The following TNFRSF21 variants were observed in gnomAD, a reference collection of about 807,000 sequenced individuals.
TNFRSF21 encodes TNF receptor superfamily member 21.
A neutral mutation model predicts 45.6 loss-of-function variants in TNFRSF21; 19 were observed. The ratio of observed to expected loss-of-function variants is 0.42; its 90% CI spans 0.29 to 0.61. The LOEUF is 0.61. Among genes scored for constraint, TNFRSF21 ranks in the 20% least tolerant of loss-of-function variants. The pLI, the probability that TNFRSF21 is intolerant of heterozygous loss-of-function variation, is 0.23. For missense variants in TNFRSF21, 737 were observed against 851.5 expected, an observed-to-expected ratio of 0.87 and a Z score of 1.67; for synonymous variants, 314 against 335.5, an observed-to-expected ratio of 0.94 and a Z score of 0.70.
intron 2 of TNFRSF21, among the ~76,000 whole-genome samples, chr6:47,285,579 C>A (rs955153955): frequency 6.6e-6 from 1 of 152,152 alleles, no homozygotes; most frequent in African/African-American, 2.4e-5. Flanking sequence ...AACTTTTGAT[C>A]TGGAAGGAAC....
chr6:47,282,759 C>T (rs537212591), intron 3 of TNFRSF21, among the ~76,000 whole-genome samples: 15 of 152,130 alleles, frequency 9.9e-5, no homozygotes, highest in African/African-American at 3.4e-4. Flanking sequence ...TTGTTTTTTT[C>T]CTTTAACCTA....
intron 1 of TNFRSF21, among the ~76,000 whole-genome samples, chr6:47,307,327 T>C (rs904865613): frequency 4.6e-5 from 7 of 152,228 alleles, no homozygotes; most frequent in African/African-American, 1.7e-4. Flanking sequence ...GTCAGGTCTT[T>C]AGTTGCAAAT....
At chr6:47,299,859 G>A (rs984176653) in intron 1 of TNFRSF21, among the ~76,000 whole-genome samples, 1 of 152,160 alleles carries the variant, frequency 6.6e-6, no homozygotes, top group Admixed American at 6.5e-5. Flanking sequence ...AGTTCTTCTG[G>A]ACTACAGTCT....
At position 47,284,088 on chromosome 6, in the gene TNFRSF21, T is replaced by C. The variant is rs1378695362; in HGVS notation, c.1093A>G (p.Ile365Val). 6.2e-7 allele frequency: 1 copy of C among 1,614,080 alleles called. No homozygotes were observed. The highest frequency in any genetic ancestry group is 8.5e-7 in the Non-Finnish European group (1 of 1,180,004). ...CTTTTCCGGATACTGCACACCACAA[T>C]CACCACAAGCACCAGCAGCAGGAAA... is the stretch of plus-strand genomic sequence containing the variant. The part of the protein sequence containing the change: ...VLFLLLVLVV[I>V]VVCSIRKSSR... The change falls in exon 3 of 6, where the codon ATT becomes GTT. Residue 365 changes from isoleucine (I) to valine (V), a missense_variant. By Grantham distance (29) the Ile-to-Val change is conservative (BLOSUM62 3). Transcript: ENST00000296861.
At chr6:47,272,930 C>T (rs1762446440) in intron 3 of TNFRSF21, among the ~76,000 whole-genome samples, 1 of 152,260 alleles carries the variant, frequency 6.6e-6, no homozygotes, top group East Asian at 1.9e-4. Context: ...TGGATAGATT[C>T]CTGGACACAT....
intron 1 of TNFRSF21, among the ~76,000 whole-genome samples, chr6:47,297,764 C>G (rs1762811595): frequency 6.6e-6 from 1 of 152,258 alleles, no homozygotes; most frequent in East Asian, 1.9e-4. Context: ...CTCAAGTGAT[C>G]CGCCTGCCTC....
At chr6:47,263,231 G>A (rs1177364795) in intron 3 of TNFRSF21, among the ~76,000 whole-genome samples, 1 of 152,182 alleles carries the variant, frequency 6.6e-6, no homozygotes, top group African/African-American at 2.4e-5. Context: ...ACCACTTTCT[G>A]TGATGGGCAA....
rs760303130 is a variant in TNFRSF21, at chr6:47,253,397, G to A, written c.1368C>T (p.His456=). The change falls in exon 4 of 6, where the codon CAC becomes CAT. Residue 456 remains histidine (H), a synonymous_variant. Coordinates refer to ENST00000296861, the MANE Select transcript of TNFRSF21 (RefSeq NM_014452.5). ...AAFSNGYTAD[H]ERAYAALQHW... is the part of the protein sequence containing the mutation. ...GCTGCAGAGCTGCGTAGGCCCGCTCGTGGTCGGCTGTGTACCCATTGGAGA... is the reference window on the plus strand; with the variant it reads ...GCTGCAGAGCTGCGTAGGCCCGCTCATGGTCGGCTGTGTACCCATTGGAGA... The A allele has an allele frequency of 1.3e-5, 21 of 1,614,048 alleles. No individual in the cohort carries two copies. Among genetic ancestry groups the A allele is most frequent in the African/African-American group, 5.3e-5 (4 of 74,930 alleles).
chr6:47,286,724 C>A, intron 1 of TNFRSF21, 129 bp from the exon 2 acceptor site: 1 of 992,258 alleles, frequency 1.0e-6, no homozygotes, highest in Non-Finnish European at 1.4e-6. Flanking sequence ...ACCAGGACTG[C>A]ATCCTCTTGA....
At position 47,232,894 on chromosome 6, in the gene TNFRSF21, C is replaced by T. The variant is rs1360750638; in HGVS notation, c.1839G>A (p.Arg613=). Residue 613 remains arginine, a synonymous_variant, in exon 6 of 6, where the codon CGG becomes CGA. Coordinates refer to ENST00000296861, the MANE Select transcript of TNFRSF21 (RefSeq NM_014452.5). ...CAGCCTGGGGAATCTCTTCAATCAC[C>T]CGCAGCTCCTCAGGATTTAGAAAGT... The part of the protein sequence containing the change: ...MLHFLNPEEL[R]VIEEIPQAED... The T allele has an allele frequency of 1.2e-6, 2 of 1,614,098 alleles. No homozygotes were observed. The highest frequency in any genetic ancestry group is 1.1e-5 in the South Asian group (1 of 91,078).
rs201068310 is a variant in TNFRSF21, at chr6:47,284,091, C to G, written c.1090G>C (p.Val364Leu). The G allele has an allele frequency of 4.3e-6, 7 of 1,614,210 alleles. No individual in the cohort carries two copies. The highest frequency in any genetic ancestry group is 5.9e-6 in the Non-Finnish European group (7 of 1,180,042). Residue 364 changes from valine to leucine, a missense_variant, in exon 3 of 6, where the codon GTG (valine) becomes CTG (leucine). Transcript: ENST00000296861. ...TTCCGGATACTGCACACCACAATCA[C>G]CACAAGCACCAGCAGCAGGAAAAGC... ...IVLFLLLVLVVIVVCSIRKSS... is the reference protein window; with the variant it reads ...IVLFLLLVLVLIVVCSIRKSS...
chr6:47,267,755 T>A (rs1286393543), intron 3 of TNFRSF21, among the ~76,000 whole-genome samples: 2 of 152,164 alleles, frequency 1.3e-5, no homozygotes, highest in Non-Finnish European at 2.9e-5. Context: ...GACACAGGCC[T>A]GGCACCATGG....
rs147219159 is a variant in TNFRSF21, at chr6:47,232,798, G to T, written c.1935C>A (p.Asp645Glu). 1 of 1,614,138 alleles carries T rather than the reference G, an allele frequency of 6.2e-7. No homozygotes were observed. The highest frequency in any genetic ancestry group is 1.7e-5 in the Admixed American group (1 of 60,022). The change falls in exon 6 of 6, where the codon GAC becomes GAA. Residue 645 changes from aspartate (D) to glutamate (E), a missense_variant. Transcript: ENST00000296861. Reference protein sequence around the residue: ...KSQEASQTLLDSVYSHLPDLL With the variant: ...KSQEASQTLLESVYSHLPDLL ...GGTCAGGAAGATGGCTATAAACAGAGTCCAGGAGGGTCTGGCTGGCTTCCT... is the reference window on the plus strand; with the variant it reads ...GGTCAGGAAGATGGCTATAAACAGATTCCAGGAGGGTCTGGCTGGCTTCCT...
intron 1 of TNFRSF21, among the ~76,000 whole-genome samples, chr6:47,299,387 AG>A (rs1197234170): frequency 6.6e-6 from 1 of 152,060 alleles, no homozygotes; most frequent in African/African-American, 2.4e-5. Context: ...CCAGCTACTC[AG>A]GAGGCTGAGG....
intron 3 of TNFRSF21, among the ~76,000 whole-genome samples, chr6:47,263,832 G>T (rs1762285547): frequency 6.6e-6 from 1 of 152,158 alleles, no homozygotes; most frequent in African/African-American, 2.4e-5. Flanking sequence ...CTACTTAGTG[G>T]TATATAAAAG....
intron 4 of TNFRSF21, among the ~76,000 whole-genome samples, chr6:47,245,743 TAGTC>T (rs760172047): frequency 1.3e-5 from 2 of 152,336 alleles, no homozygotes; most frequent in Middle Eastern, 3.4e-3. Flanking sequence ...ATATCTGTAT[TAGTC>T]AGTTTTCATA....
intron 5 of TNFRSF21, among the ~76,000 whole-genome samples, chr6:47,234,229 G>A (rs1391750924): frequency 6.6e-6 from 1 of 151,992 alleles, no homozygotes; most frequent in Non-Finnish European, 1.5e-5. Flanking sequence ...CGCCCACCTC[G>A]GCCTTCCAAA....
chr6:47,259,247 T>C (rs1281753040), intron 3 of TNFRSF21, among the ~76,000 whole-genome samples: 1 of 152,238 alleles, frequency 6.6e-6, no homozygotes, highest in East Asian at 1.9e-4. Context: ...ACAGTAGCTA[T>C]GTGTTGAATT....
chr6:47,303,410 T>G (rs1431942123), intron 1 of TNFRSF21, among the ~76,000 whole-genome samples: 3 of 152,198 alleles, frequency 2.0e-5, no homozygotes. Context: ...ACCCACACCC[T>G]GCTCAGTCCC....
Sources: gnomAD v4.1 joint callset for allele counts (sites outside exome capture counted in the v4.1 genomes callset) on GRCh38, gnomAD v4.1.1 for gene constraint, MANE v1.5 for transcripts, NCBI Gene and HGNC (gene_info 2026-07-23, HGNC 2026-07-21) for gene names.